The following VPS13B variants were observed in gnomAD, a reference collection of about 807,000 sequenced individuals.
The protein encoded by VPS13B is intermembrane lipid transfer protein VPS13B.
VPS13B carries 285 observed loss-of-function variants against 426.4 expected under a neutral mutation model. That is an observed-to-expected ratio of 0.67 (90% CI 0.61 to 0.74). The LOEUF (loss-of-function observed/expected upper bound fraction) is 0.74, where lower values mean the gene tolerates loss of function less well. Among genes scored for constraint, VPS13B ranks in the 30% least tolerant of loss-of-function variants. The probability of loss-of-function intolerance (pLI) is 0.00; values close to 1 mark genes in which losing one functional copy is unlikely to be tolerated. For synonymous variants in VPS13B, 1,676 were observed against 1,676.4 expected, an observed-to-expected ratio of 1.00 and a Z score of 0.01; for missense variants, 4,537 against 4,782.6, an observed-to-expected ratio of 0.95 and a Z score of 1.51.
chr8:99,861,608 T>C (rs1476689305), intron 57 of VPS13B, among the ~76,000 whole-genome samples, 168 bp from the exon 58 acceptor site: 1 of 152,230 alleles, frequency 6.6e-6, no homozygotes, highest in Non-Finnish European at 1.5e-5. Context: ...GTTGTTTACC[T>C]CTTTTCTTAA....
intron 16 of VPS13B, among the ~76,000 whole-genome samples, chr8:99,188,590 C>A (rs751542146): frequency 1.1e-4 from 17 of 152,044 alleles, no homozygotes; most frequent in Non-Finnish European, 2.2e-4. Context: ...TATGTATATA[C>A]CTATGAATAT....
At chr8:99,647,649 A>G (rs1829643094) in intron 34 of VPS13B, among the ~76,000 whole-genome samples, 2 of 152,190 alleles carry the variant, frequency 1.3e-5, no homozygotes, top group South Asian at 2.1e-4. Flanking sequence ...TAAAAAGAAT[A>G]TATGTCAAAG....
At chr8:99,467,023 G>A (rs1415486914) in intron 23 of VPS13B, among the ~76,000 whole-genome samples, 1 of 152,078 alleles carries the variant, frequency 6.6e-6, no homozygotes, top group Admixed American at 6.6e-5. Flanking sequence ...TTGTCTCAAA[G>A]TTCTTGGAGG....
In VPS13B at chr8:99,021,606, G is replaced by A. The variant is rs13264461; in HGVS notation, c.147+7671G>A. On this transcript the variant is annotated intron_variant, in intron 2 of 61. Coordinates refer to ENST00000357162, the MANE Select transcript of VPS13B (RefSeq NM_152564.5). ...ACTGCACTCCAGCCTGGGCAACAAA[G>A]CAAGACTCCATCTCAAAAAAAAAAC... Among the ~76,000 whole-genome samples the A allele has an allele frequency of 4.0e-4, 60 of 150,688 alleles. 1 individual carries two copies. Among genetic ancestry groups the A allele is most frequent in the Middle Eastern group, 3.4e-3 (1 of 294 alleles).
intron 39 of VPS13B, among the ~76,000 whole-genome samples, chr8:99,755,507 T>C (rs1215157897): frequency 6.6e-6 from 1 of 152,184 alleles, no homozygotes; most frequent in African/African-American, 2.4e-5. Flanking sequence ...CGGTGGCTGA[T>C]GCCTATAATC....
At chr8:99,710,332 C>A (rs1003735947) in intron 36 of VPS13B, among the ~76,000 whole-genome samples, 2 of 151,902 alleles carry the variant, frequency 1.3e-5, no homozygotes, top group Admixed American at 6.6e-5. Context: ...GTGCATTTGT[C>A]CCCCTAGGAA....
chr8:99,395,781 G>A (rs1423274086), intron 21 of VPS13B, among the ~76,000 whole-genome samples: 1 of 152,110 alleles, frequency 6.6e-6, no homozygotes, highest in East Asian at 1.9e-4. Context: ...AATAGGCTGA[G>A]AAATGACACC....
chr8:99,364,231 C>T (rs565814710), intron 19 of VPS13B, among the ~76,000 whole-genome samples: 1 of 152,212 alleles, frequency 6.6e-6, no homozygotes, highest in East Asian at 1.9e-4. Flanking sequence ...ATATGGTTTT[C>T]TCCTTAATTC....
At chr8:99,207,503 A>C (rs1444524442) in intron 17 of VPS13B, among the ~76,000 whole-genome samples, 1 of 152,176 alleles carries the variant, frequency 6.6e-6, no homozygotes. Context: ...AAATATATAA[A>C]GTGTAAGTGT....
chr8:99,756,862 T>C (rs1423316666), intron 39 of VPS13B, among the ~76,000 whole-genome samples: 1 of 152,224 alleles, frequency 6.6e-6, no homozygotes, highest in Non-Finnish European at 1.5e-5. Context: ...GTCTATCTTA[T>C]TTAATCTAAA....
chr8:99,063,217 G>A (rs1198154574), intron 3 of VPS13B, among the ~76,000 whole-genome samples: 1 of 152,198 alleles, frequency 6.6e-6, no homozygotes, highest in Non-Finnish European at 1.5e-5. Context: ...ATTGGGACTG[G>A]TTGGACAGTG....
intron 9 of VPS13B, 61 bp from the exon 10 acceptor site, chr8:99,134,954 A>G (rs980144000): frequency 3.8e-6 from 6 of 1,590,872 alleles, no homozygotes; most frequent in East Asian, 2.2e-5. Flanking sequence ...TCTACAAGGA[A>G]AGCCTCTAAC....
intron 21 of VPS13B, among the ~76,000 whole-genome samples, chr8:99,402,183 T>C (rs1187683276): frequency 1.3e-5 from 2 of 152,168 alleles, no homozygotes; most frequent in African/African-American, 4.8e-5. Flanking sequence ...TGCAGTGAGT[T>C]ACATGAAGCA....
chr8:99,310,515 C>A (rs1164193726), intron 19 of VPS13B, among the ~76,000 whole-genome samples: 2 of 152,168 alleles, frequency 1.3e-5, no homozygotes, highest in African/African-American at 4.8e-5. Flanking sequence ...GTTGAACCAG[C>A]CTTGCATCCC....
chr8:99,418,459 CTT>C (rs1177578082), intron 21 of VPS13B, among the ~76,000 whole-genome samples: 37 of 37,476 alleles, frequency 9.9e-4, no homozygotes, highest in Admixed American at 2.1e-3. Context: ...TCATAGTTTT[CTT>C]TCTTTCTTTC....
intron 33 of VPS13B, among the ~76,000 whole-genome samples, chr8:99,610,914 A>G (rs1827821289): frequency 6.6e-6 from 1 of 152,224 alleles, no homozygotes; most frequent in South Asian, 2.1e-4. Context: ...GAGATATTGT[A>G]ACTTAGAAAA....
At chr8:99,515,400 TTCC>T (rs751830064) in intron 29 of VPS13B, among the ~76,000 whole-genome samples, 52 of 150,770 alleles carry the variant, frequency 3.4e-4, no homozygotes, top group East Asian at 7.8e-4. Flanking sequence ...CTGCTTCTGC[TTCC>T]TCCTCCTCCT....
chr8:99,198,216 T>A (rs1372335876), intron 17 of VPS13B, among the ~76,000 whole-genome samples: 2 of 152,170 alleles, frequency 1.3e-5, no homozygotes, highest in Admixed American at 1.3e-4. Flanking sequence ...CAGTAACATC[T>A]TCCTTGGCAT....
At chr8:99,079,913 G>A (rs553065318) in intron 3 of VPS13B, among the ~76,000 whole-genome samples, 2 of 146,340 alleles carry the variant, frequency 1.4e-5, no homozygotes, top group South Asian at 2.1e-4. Flanking sequence ...CAACAAGAGC[G>A]AAACTCCATC....
Sources: allele counts gnomAD v4.1 joint callset (sites outside exome capture counted in the v4.1 genomes callset), GRCh38; gene constraint gnomAD v4.1.1; transcripts MANE v1.5; gene names NCBI Gene and HGNC (gene_info 2026-07-23, HGNC 2026-07-21).